Variants in MED22 observed in about 807,000 individuals in gnomAD.
The protein encoded by MED22 is mediator complex subunit 22.
Under a neutral mutation model 22.7 loss-of-function variants are expected in MED22, and 22 were observed. The ratio of observed to expected loss-of-function variants is 0.97; its 90% CI spans 0.69 to 1.38. The LOEUF (loss-of-function observed/expected upper bound fraction) is 1.38. Ranked by LOEUF, MED22 falls within the 40% of genes most tolerant of loss-of-function variation. MED22 has a pLI of 0.00. For synonymous variants in MED22, 134 were observed against 119.4 expected, an observed-to-expected ratio of 1.12 and a Z score of -0.80; for missense variants, 247 against 263.0, an observed-to-expected ratio of 0.94 and a Z score of 0.42.
At chr9:133,342,043 C>A in intron 4 of MED22, 1 of 1,107,306 alleles carries the variant, frequency 9.0e-7, no homozygotes. Flanking sequence ...AAAAAGCTGT[C>A]AGCCTGGCCA....
intron 4 of MED22, chr9:133,342,250 T>A (rs1268943350): frequency 1.0e-6 from 1 of 986,162 alleles, no homozygotes; most frequent in Non-Finnish European, 1.2e-6. Flanking sequence ...TCCCCACCTC[T>A]AACACGGGGA....
Position 133,344,177 on chromosome 9 carries a change from C to G in MED22, c.361G>C (p.Asp121His), listed in dbSNP as rs1418441622. Reference protein sequence around the residue: ...ECDRKLITLRDEISIDLYELE... With the variant: ...ECDRKLITLRHEISIDLYELE... ...TCGTAGAGGTCAATGGAGATCTCGT[C>G]TCGCAGCGTGATGAGCTTCCGGTCG... is the stretch of plus-strand genomic sequence containing the variant. The change falls in exon 4 of 5, where the codon GAC (aspartate) becomes CAC (histidine). Residue 121 changes from aspartate to histidine, a missense_variant. Transcript: ENST00000343730. The G allele has an allele frequency of 6.2e-7, 1 of 1,614,084 alleles. No individual in the cohort carries two copies. The highest frequency in any genetic ancestry group is 1.1e-5 in the South Asian group (1 of 91,078).
intron 4 of MED22, chr9:133,341,926 C>T: frequency 1.5e-6 from 2 of 1,318,024 alleles, no homozygotes; most frequent in Non-Finnish European, 1.9e-6. Flanking sequence ...CCGCCCTGGC[C>T]CAACCACCAA....
chr9:133,343,705 T>G (rs1027904618), intron 4 of MED22: 20 of 1,289,846 alleles, frequency 1.6e-5, no homozygotes, highest in Non-Finnish European at 1.8e-5. Context: ...GACATAGGTG[T>G]GGACCTGACT....
intron 3 of MED22, 83 bp from the exon 4 acceptor site, chr9:133,344,416 T>C: frequency 7.0e-7 from 1 of 1,434,538 alleles, no homozygotes; most frequent in Non-Finnish European, 9.6e-7. Context: ...GGGCAAGGGA[T>C]GGCCTCTCTA....
chr9:133,346,419 C>T (rs1166241126), intron 2 of MED22, 121 bp downstream of exon 2: 2 of 1,261,478 alleles, frequency 1.6e-6, no homozygotes, highest in Non-Finnish European at 2.2e-6. Context: ...CTGACCAGCT[C>T]CCTGTGCACT....
In MED22 at chr9:133,338,409, G is replaced by A. The variant is rs2129940599; in HGVS notation, c.*3096C>T. On this transcript the variant is annotated 3_prime_UTR_variant, in exon 5 of 5. Transcript: ENST00000343730. ...CAACCTCCGCCTCCCGGGTTCAAGCGATTCTCCTGCCTCCGCCTACCAAGT... is the reference window on the plus strand; with the variant it reads ...CAACCTCCGCCTCCCGGGTTCAAGCAATTCTCCTGCCTCCGCCTACCAAGT... 4.0e-4 allele frequency: 62 copies of A among 153,662 alleles called. No homozygotes were observed. The highest frequency in any genetic ancestry group is 1.4e-3 in the African/African-American group (59 of 41,526). The allele number at this position is 153,662 out of a possible 1,614,324, so 9.5% of individuals were successfully genotyped here.
rs2129947390 is a variant in MED22, at chr9:133,341,214, C to T, written c.*291G>A. On this transcript the variant is annotated 3_prime_UTR_variant, in exon 5 of 5. Transcript: ENST00000343730. Reference sequence around the variant, plus strand: ...CCTGCCCCACTGCTGAGATCCCCAACGGGCCAGACCTAGCTTGGAAACTTT... The same window carrying T: ...CCTGCCCCACTGCTGAGATCCCCAATGGGCCAGACCTAGCTTGGAAACTTT... 1.5e-4 allele frequency: 48 copies of T among 314,138 alleles called. No individual in the cohort carries two copies. The highest frequency in any genetic ancestry group is 2.0e-4 in the Non-Finnish European group (34 of 172,534). The allele number at this position is 314,138 out of a possible 1,614,324, so 19.5% of individuals were successfully genotyped here. A position where few individuals can be genotyped will look rare whatever the true frequency, so the allele number is the denominator to read the frequency against.
chr9:133,341,899 A>G (rs1426464940), intron 4 of MED22: 2 of 1,355,234 alleles, frequency 1.5e-6, no homozygotes, highest in African/African-American at 1.5e-5. Context: ...CCACCCTAGC[A>G]TTCTGAAAGG....
chr9:133,346,608 T>G lies in MED22; in HGVS notation c.55A>C (p.Asn19His). The G allele has an allele frequency of 6.2e-7, 1 of 1,613,090 alleles. No individual in the cohort carries two copies. The highest frequency in any genetic ancestry group is 2.2e-5 in the East Asian group (1 of 44,854). Residue 19 changes from asparagine to histidine, a missense_variant, in exon 2 of 5, where the codon AAC becomes CAC. By Grantham distance (68) the Asn-to-His change is moderately conservative. Coordinates refer to ENST00000343730, the MANE Select transcript of MED22 (RefSeq NM_133640.5). ...QSKETLLQSY[N>H]KRLKDDIKSI... ...TTAATGTCGTCCTTCAGCCGCTTGT[T>G]GTAGGACTGCAGCAGCGTCTCCTTG...
In MED22 at chr9:133,341,071, G is replaced by A. The variant is rs1413233753; in HGVS notation, c.*434C>T. On this transcript the variant is annotated 3_prime_UTR_variant, in exon 5 of 5. Transcript: ENST00000343730. ...GCTCAGGGCAAGAACCAGTGGATGG[G>A]GCTCTGCACAGGAACGCTGGCCTCG... 1 of 158,270 alleles carries A rather than the reference G, an allele frequency of 6.3e-6. No individual in the cohort carries two copies. Among genetic ancestry groups the A allele is most frequent in the Non-Finnish European group, 1.4e-5 (1 of 72,086 alleles). The allele number at this position is 158,270 out of a possible 1,614,324, so 9.8% of individuals were successfully genotyped here.
chr9:133,341,194 C>T lies in MED22; in HGVS notation c.*311G>A, dbSNP rs2129947292. 0.057 allele frequency: 15,548 copies of T among 271,852 alleles called. 622 individuals carry two copies. Among genetic ancestry groups the T allele is most frequent in the Middle Eastern group, 0.084 (79 of 940 alleles). The allele number at this position is 271,852 out of a possible 1,614,324, so 16.8% of individuals were successfully genotyped here. On this transcript the variant is annotated 3_prime_UTR_variant, in exon 5 of 5. Coordinates refer to ENST00000343730, the MANE Select transcript of MED22 (RefSeq NM_133640.5). ...TCCCCGAAATCAGGCACCCTCCTGC[C>T]CCACTGCTGAGATCCCCAACGGGCC... is the stretch of plus-strand genomic sequence containing the variant.
At chr9:133,343,980 G>C (rs1239324713) in intron 4 of MED22, 145 bp downstream of exon 4, 1 of 1,478,772 alleles carries the variant, frequency 6.8e-7, no homozygotes, top group African/African-American at 1.4e-5. Context: ...AAACGCTCTG[G>C]CCAGGAGCTC....
At chr9:133,345,330 G>A (rs2129965000) in intron 2 of MED22, 78 bp from the exon 3 acceptor site, 27 of 1,396,140 alleles carry the variant, frequency 1.9e-5, no homozygotes, top group East Asian at 2.4e-5. Context: ...CCCAGCTTAC[G>A]GTAACTGTCA....
rs1289930074 is a variant in MED22, at chr9:133,341,287, G to C, written c.*218C>G. On this transcript the variant is annotated 3_prime_UTR_variant, in exon 5 of 5. Coordinates refer to ENST00000343730, the MANE Select transcript of MED22 (RefSeq NM_133640.5). ...GGCAGCAAACAGAGATGATGACTCG[G>C]AATGATGGGCTATTCGGAAATGGCT... 2 of 461,718 alleles carry C rather than the reference G, an allele frequency of 4.3e-6. No homozygotes were observed. The allele number at this position is 461,718 out of a possible 1,614,324, so 28.6% of individuals were successfully genotyped here.
At chr9:133,341,767 G>C (rs1431633723) in intron 4 of MED22, 73 bp from the exon 5 acceptor site, 14 of 1,558,436 alleles carry the variant, frequency 9.0e-6, no homozygotes, top group Non-Finnish European at 1.2e-5. Context: ...GGGAGAGCAA[G>C]ACAGAAGCAG....
intron 3 of MED22, 69 bp downstream of exon 3, chr9:133,345,103 C>A (rs1836140896): frequency 2.6e-6 from 4 of 1,515,910 alleles, no homozygotes; most frequent in Non-Finnish European, 3.6e-6. Flanking sequence ...CCCCTCCACT[C>A]CACCCAGGAA....
Position 133,348,093 on chromosome 9 carries a change from G to A in MED22, c.-210C>T. ...TCCGAAAACCTAGTCAGCCGCCGCA[G>A]CCTCTCGGCCCCGCCTCGATTTTTA... On this transcript the variant is annotated 5_prime_UTR_variant, in exon 1 of 5. Transcript: ENST00000343730. The A allele has an allele frequency of 7.9e-6, 9 of 1,140,368 alleles. No individual in the cohort carries two copies. In the South Asian group the frequency reaches 9.2e-5, roughly 12 times the overall value. The allele number at this position is 1,140,368 out of a possible 1,614,324, so 70.6% of individuals were successfully genotyped here.
chr9:133,343,912 A>G, intron 4 of MED22: 2 of 1,433,380 alleles, frequency 1.4e-6, no homozygotes, highest in Non-Finnish European at 1.8e-6. Context: ...TTTTCATCAC[A>G]TTGCACTGTG....
Sources: allele counts gnomAD v4.1 joint callset, GRCh38; gene constraint gnomAD v4.1.1; transcripts MANE v1.5; gene names NCBI Gene and HGNC (gene_info 2026-07-23, HGNC 2026-07-21).